The following LAMA2 variants were observed in gnomAD, a reference collection of about 807,000 sequenced individuals.
The protein encoded by LAMA2 is laminin subunit alpha-2.
Under a neutral mutation model 364.8 loss-of-function variants are expected in LAMA2, and 269 were observed. The observed-to-expected ratio is 0.74, with a 90% CI of 0.67 to 0.82. The LOEUF is 0.82. LAMA2 is among the 40% of genes least tolerant of loss of function. LAMA2 has a pLI of 0.00. For missense variants in LAMA2, 3,807 were observed against 3,873.2 expected (o/e 0.98, Z 0.45); for synonymous variants, 1,379 against 1,370.6 (o/e 1.01, Z -0.14).
intron 31 of LAMA2, among the ~76,000 whole-genome samples, chr6:129,349,880 CAATAAAGT>C (rs1776762651): frequency 6.6e-6 from 1 of 152,064 alleles, no homozygotes; most frequent in South Asian, 2.1e-4. Flanking sequence ...AGTACCCAGA[CAATAAAGT>C]ATTTGTTATT....
intron 9 of LAMA2, among the ~76,000 whole-genome samples, chr6:129,176,475 T>C (rs959762880): frequency 1.3e-5 from 2 of 152,094 alleles, no homozygotes; most frequent in Non-Finnish European, 2.9e-5. Flanking sequence ...TTCTGTTTTT[T>C]CTTACTTCAT....
chr6:129,082,502 A>C (rs1774128560), intron 3 of LAMA2, among the ~76,000 whole-genome samples: 1 of 152,134 alleles, frequency 6.6e-6, no homozygotes, highest in African/African-American at 2.4e-5. Context: ...TTCAACAAAA[A>C]CATTTATATA....
At chr6:129,327,559 T>C (rs1994619) in intron 28 of LAMA2, among the ~76,000 whole-genome samples, 120,618 of 152,166 alleles carry the variant, frequency 0.79, 47,933 homozygotes, top group East Asian at 0.93. Flanking sequence ...CAAGACGGTT[T>C]TCATCTTCGT....
rs574993231 is a variant in LAMA2, at chr6:129,462,411, G to A, written c.6993-1879G>A. On this transcript the variant is annotated intron_variant, in intron 49 of 64. Coordinates refer to ENST00000421865, the MANE Select transcript of LAMA2 (RefSeq NM_000426.4). ...TTGATTTAGCCAAGCACTCTATCTCGGAAATGTTCGTGGCCCACGTCTTTT... is the reference window on the plus strand; with the variant it reads ...TTGATTTAGCCAAGCACTCTATCTCAGAAATGTTCGTGGCCCACGTCTTTT... 9.2e-5 allele frequency among the ~76,000 whole-genome samples: 14 copies of A among 151,932 alleles called. No homozygotes were observed. The East Asian group carries it at 1.4e-3, about 15-fold the overall frequency.
At chr6:129,167,486 T>C (rs1157081009) in intron 9 of LAMA2, among the ~76,000 whole-genome samples, 32 of 152,228 alleles carry the variant, frequency 2.1e-4, no homozygotes, top group Non-Finnish European at 4.6e-4. Context: ...ACAAAGGACA[T>C]GAACTCATCA....
intron 4 of LAMA2, among the ~76,000 whole-genome samples, chr6:129,108,961 C>A (rs1775985808): frequency 6.6e-6 from 1 of 152,072 alleles, no homozygotes; most frequent in Non-Finnish European, 1.5e-5. Context: ...ATAGAAGCTA[C>A]TTAAAAAGTG....
At chr6:129,129,896 C>A (rs903019823) in intron 4 of LAMA2, among the ~76,000 whole-genome samples, 1 of 144,524 alleles carries the variant, frequency 6.9e-6, no homozygotes, top group Non-Finnish European at 1.5e-5. Context: ...TGCACTCCAG[C>A]CTGGGCGACA....
At chr6:128,925,130 G>T (rs1006112587) in intron 1 of LAMA2, among the ~76,000 whole-genome samples, 2 of 152,204 alleles carry the variant, frequency 1.3e-5, no homozygotes, top group South Asian at 2.1e-4. Context: ...ATTACAAATA[G>T]AATTACAATA....
At chr6:129,059,699 A>T (rs74936600) in intron 2 of LAMA2, 85 bp from the exon 3 acceptor site, 154 of 825,396 alleles carry the variant, frequency 1.9e-4, no homozygotes, top group African/African-American at 9.6e-4. Flanking sequence ...TGTTTTAACC[A>T]TTTTTTTTTA....
At chr6:128,988,304 A>G (rs1379867098) in intron 1 of LAMA2, among the ~76,000 whole-genome samples, 1 of 152,208 alleles carries the variant, frequency 6.6e-6, no homozygotes, top group Non-Finnish European at 1.5e-5. Context: ...GATGTTAACT[A>G]AATATCCTTC....
intron 34 of LAMA2, among the ~76,000 whole-genome samples, chr6:129,372,710 A>G (rs1778157280): frequency 1.3e-5 from 2 of 152,222 alleles, no homozygotes; most frequent in South Asian, 4.1e-4. Context: ...TTTAGTTTTG[A>G]AAGAAATTAC....
chr6:129,342,292 TCTAA>T, intron 29 of LAMA2, 47 bp from the exon 30 acceptor site: 1 of 1,545,656 alleles, frequency 6.5e-7, no homozygotes, highest in Non-Finnish European at 8.9e-7. Context: ...TAAATTACAT[TCTAA>T]CTATCACTAA....
At position 128,934,503 on chromosome 6, in the gene LAMA2, T is replaced by A. The variant is rs780145090; in HGVS notation, c.112+51146T>A. Among the ~76,000 whole-genome samples the A allele has an allele frequency of 2.0e-5, 3 of 152,106 alleles. No individual in the cohort carries two copies. In the South Asian group the frequency reaches 6.2e-4, roughly 32 times the overall value. On this transcript the variant is annotated intron_variant, in intron 1 of 64. Coordinates refer to ENST00000421865, the MANE Select transcript of LAMA2 (RefSeq NM_000426.4). ...TTTTTCTACATTTTCTTTCTTTTTT[T>A]CTTTCTTTTTTTTCTGAGGTGGAAT...
intron 2 of LAMA2, among the ~76,000 whole-genome samples, chr6:129,050,384 G>A (rs1245646740): frequency 1.3e-5 from 2 of 152,146 alleles, no homozygotes; most frequent in African/African-American, 4.8e-5. Flanking sequence ...TATTAACTCA[G>A]GCTGTCATCA....
At chr6:129,250,836 A>G (rs1025728662) in intron 13 of LAMA2, among the ~76,000 whole-genome samples, 1 of 152,100 alleles carries the variant, frequency 6.6e-6, no homozygotes, top group Non-Finnish European at 1.5e-5. Context: ...AGGCACACAC[A>G]TACATGCATG....
intron 30 of LAMA2, among the ~76,000 whole-genome samples, chr6:129,346,765 A>C (rs1562480974): frequency 6.6e-6 from 1 of 152,224 alleles, no homozygotes; most frequent in Admixed American, 6.5e-5. Context: ...TAAGATAAAG[A>C]AATAGATATA....
chr6:128,915,292 A>T (rs1426378692), intron 1 of LAMA2, among the ~76,000 whole-genome samples: 1 of 152,186 alleles, frequency 6.6e-6, no homozygotes, highest in East Asian at 1.9e-4. Flanking sequence ...CTTTTTCTTT[A>T]AAAAAATACA....
chr6:129,385,501 G>C (rs1239991997), intron 35 of LAMA2, among the ~76,000 whole-genome samples: 1 of 152,070 alleles, frequency 6.6e-6, no homozygotes, highest in Non-Finnish European at 1.5e-5. Context: ...ATTGCTGTGG[G>C]AAAAGTAAAT....
chr6:129,220,511 A>T (rs186855275), intron 12 of LAMA2, among the ~76,000 whole-genome samples: 2 of 152,358 alleles, frequency 1.3e-5, no homozygotes, highest in East Asian at 3.9e-4. Flanking sequence ...TTTGTAGCTC[A>T]AATTATTGTT....
Sources: allele counts gnomAD v4.1 joint callset (sites outside exome capture counted in the v4.1 genomes callset), GRCh38; gene constraint gnomAD v4.1.1; transcripts MANE v1.5; gene names NCBI Gene and HGNC (gene_info 2026-07-23, HGNC 2026-07-21).